The following ADRA1A variants were observed in gnomAD, a reference collection of about 807,000 sequenced individuals.
ADRA1A encodes the protein adrenoceptor alpha 1A.
Under a neutral mutation model 29.6 loss-of-function variants are expected in ADRA1A, and 31 were observed. That is an observed-to-expected ratio of 1.05 (90% CI 0.79 to 1.41). The LOEUF is 1.41. ADRA1A is among the 40% of genes most tolerant of loss of function. ADRA1A has a pLI of 0.00. For missense variants in ADRA1A, 619 were observed against 601.1 expected (o/e 1.03, Z -0.31); for synonymous variants, 311 against 254.3 (o/e 1.22, Z -2.12).
At chr8:26,849,508 T>C (rs1812459023) in intron 2 of ADRA1A, among the ~76,000 whole-genome samples, 1 of 152,176 alleles carries the variant, frequency 6.6e-6, no homozygotes, top group South Asian at 2.1e-4. Context: ...AATCAAAACA[T>C]GTTACTTCCA....
In ADRA1A at chr8:26,787,253, G is replaced by A. The variant is rs1021624129; in HGVS notation, c.884-16587C>T. ...AAGTTCAAAACAAAGACAATCATCA[G>A]AATAGCCAAGAAAATTAATCACACA... On this transcript the variant is annotated intron_variant, in intron 2 of 2. Coordinates refer to ENST00000380573, the MANE Select transcript of ADRA1A (RefSeq NM_000680.4). This position sits in a 1 kb window ranked among gnomAD's most constrained non-coding sequence, Gnocchi z 4.2. Among the ~76,000 whole-genome samples the A allele has an allele frequency of 1.3e-5, 2 of 152,106 alleles. No individual in the cohort carries two copies. Among genetic ancestry groups the A allele is most frequent in the African/African-American group, 2.4e-5 (1 of 41,414 alleles).
intron 2 of ADRA1A, among the ~76,000 whole-genome samples, chr8:26,777,013 A>G (rs1806597794): frequency 6.6e-6 from 1 of 152,138 alleles, no homozygotes; most frequent in African/African-American, 2.4e-5. Flanking sequence ...GCCAGACCCA[A>G]TGGCTCCTTC....
chr8:26,763,234 A>T (rs1308409760), downstream of ADRA1A, among the ~76,000 whole-genome samples: 6 of 152,156 alleles, frequency 3.9e-5, no homozygotes, highest in Non-Finnish European at 8.8e-5. The surrounding 1 kb of genome is among the most constrained non-coding windows in gnomAD (Gnocchi z 4.5). Flanking sequence ...CATGTCCAGG[A>T]GGCCTTCCCA....
At chr8:26,813,552 C>T (rs537714014) in intron 2 of ADRA1A, among the ~76,000 whole-genome samples, 24 of 152,182 alleles carry the variant, frequency 1.6e-4, no homozygotes, top group African/African-American at 5.8e-4. Context: ...ATCCAGTCAA[C>T]CATCCCTCAG....
chr8:26,829,148 G>C (rs1407205009), intron 2 of ADRA1A, among the ~76,000 whole-genome samples: 1 of 152,128 alleles, frequency 6.6e-6, no homozygotes, highest in Non-Finnish European at 1.5e-5. Context: ...GTTGTCACCA[G>C]AGCAGGCACT....
chr8:26,780,564 A>G (rs1352010942), intron 2 of ADRA1A, among the ~76,000 whole-genome samples: 2 of 152,182 alleles, frequency 1.3e-5, no homozygotes, highest in African/African-American at 2.4e-5. Flanking sequence ...TCTTTGTTAC[A>G]GTATAGCTTG....
Position 26,841,052 on chromosome 8 carries a change from C to G in ADRA1A, c.883+23035G>C, listed in dbSNP as rs1163085166. 6.6e-6 allele frequency among the ~76,000 whole-genome samples: 1 copy of G among 152,190 alleles called. No individual in the cohort carries two copies. The highest frequency in any genetic ancestry group is 1.5e-5 in the Non-Finnish European group (1 of 68,030). On this transcript the variant is annotated intron_variant, in intron 2 of 2. Coordinates refer to ENST00000380573, the MANE Select transcript of ADRA1A (RefSeq NM_000680.4). The surrounding 1 kb of genome is among the most constrained non-coding windows in gnomAD (Gnocchi z 4.4). ...AACAGGTTCAATTTCTACTCTGTCACTTACTTGCTGCATGATCCTGGGCCA... is the reference window on the plus strand; with the variant it reads ...AACAGGTTCAATTTCTACTCTGTCAGTTACTTGCTGCATGATCCTGGGCCA...
At chr8:26,786,959 G>C (rs7833391) in intron 2 of ADRA1A, among the ~76,000 whole-genome samples, 67,797 of 151,926 alleles carry the variant, frequency 0.45, 18,202 homozygotes, top group East Asian at 0.89. Flanking sequence ...TCATTATGTG[G>C]CAGACATCAT....
intron 2 of ADRA1A, among the ~76,000 whole-genome samples, chr8:26,777,319 T>C (rs1338844989): frequency 6.6e-6 from 1 of 152,122 alleles, no homozygotes; most frequent in Non-Finnish European, 1.5e-5. Context: ...TGACATGAAA[T>C]GTGTATGTCC....
At chr8:26,857,471 A>G (rs1055262110) in intron 2 of ADRA1A, among the ~76,000 whole-genome samples, 1 of 152,174 alleles carries the variant, frequency 6.6e-6, no homozygotes, top group Non-Finnish European at 1.5e-5. Context: ...GCTCAAGACC[A>G]GCCTGGACAA....
intron 2 of ADRA1A, among the ~76,000 whole-genome samples, chr8:26,758,988 T>G (rs1414414499): frequency 6.6e-6 from 1 of 152,188 alleles, no homozygotes; most frequent in Admixed American, 6.5e-5. Flanking sequence ...GAAAATACAA[T>G]TTTTACTATT....
intron 2 of ADRA1A, among the ~76,000 whole-genome samples, chr8:26,813,565 G>T (rs554466166): frequency 1.3e-5 from 2 of 152,060 alleles, no homozygotes; most frequent in Non-Finnish European, 2.9e-5. Context: ...TCCCTCAGGT[G>T]CTTGGCCTGG....
chr8:26,789,747 G>A (rs546753119), intron 2 of ADRA1A, among the ~76,000 whole-genome samples: 2 of 151,932 alleles, frequency 1.3e-5, no homozygotes, highest in Non-Finnish European at 2.9e-5. Flanking sequence ...GAATATAAAC[G>A]GAATTTAAAC....
intron 2 of ADRA1A, among the ~76,000 whole-genome samples, chr8:26,772,843 TC>T (rs1316202875): frequency 6.9e-6 from 1 of 144,928 alleles, no homozygotes. Context: ...CCTGCTAAGT[TC>T]CATGTGTCTC....
rs545468825 is a variant in ADRA1A at position 26,820,982 on chromosome 8, TG to T, written c.883+43104del. ...TTAGCTCACTGCAACTTCCACCTCC[TG>T]GGTTCAAGCGATTCTCCTGCCTCAG... On this transcript the variant is annotated intron_variant, in intron 2 of 2. Coordinates refer to ENST00000380573, the MANE Select transcript of ADRA1A (RefSeq NM_000680.4). Among the ~76,000 whole-genome samples the T allele has an allele frequency of 2.6e-3, 392 of 152,112 alleles. 1 individual carries two copies. The highest frequency in any genetic ancestry group is 4.4e-3 in the Non-Finnish European group (299 of 67,976).
chr8:26,832,770 G>T (rs1475546872), intron 2 of ADRA1A, among the ~76,000 whole-genome samples: 3 of 152,188 alleles, frequency 2.0e-5, no homozygotes, highest in African/African-American at 4.8e-5. Context: ...ACCTGTGGGG[G>T]AGGGAGGCAA....
chr8:26,773,866 G>T (rs1806353404), intron 2 of ADRA1A, among the ~76,000 whole-genome samples: 1 of 152,096 alleles, frequency 6.6e-6, no homozygotes, highest in South Asian at 2.1e-4. Flanking sequence ...CTAGTCTCTT[G>T]CTGTGTTCCA....
chr8:26,787,849 C>A lies in ADRA1A; in HGVS notation c.884-17183G>T, dbSNP rs956632391. Among the ~76,000 whole-genome samples the A allele has an allele frequency of 1.3e-5, 2 of 151,998 alleles. No homozygotes were observed. The highest frequency in any genetic ancestry group is 4.8e-5 in the African/African-American group (2 of 41,378). ...AGCTATGATCAGTTTCCTTCCTCTGCATGTAGCAGCTCTGCATCTACTTTC... is the reference window on the plus strand; with the variant it reads ...AGCTATGATCAGTTTCCTTCCTCTGAATGTAGCAGCTCTGCATCTACTTTC... On this transcript the variant is annotated intron_variant, in intron 2 of 2. Coordinates refer to ENST00000380573, the MANE Select transcript of ADRA1A (RefSeq NM_000680.4). The surrounding 1 kb of genome is among the most constrained non-coding windows in gnomAD (Gnocchi z 4.2).
At chr8:26,784,433 G>A (rs1008443900) in intron 2 of ADRA1A, among the ~76,000 whole-genome samples, 5 of 152,224 alleles carry the variant, frequency 3.3e-5, no homozygotes, top group Admixed American at 6.5e-5. Flanking sequence ...GAGAACAATA[G>A]TGTTGGTCAG....
Sources: allele counts gnomAD v4.1 joint callset (sites outside exome capture counted in the v4.1 genomes callset), GRCh38; gene constraint gnomAD v4.1.1; non-coding constraint Gnocchi (gnomAD v3.1); transcripts MANE v1.5; gene names NCBI Gene and HGNC (gene_info 2026-07-23, HGNC 2026-07-21).